Variants in MCCC1 observed in about 807,000 individuals in gnomAD.
MCCC1 encodes the protein methylcrotonoyl-CoA carboxylase subunit alpha, mitochondrial.
In MCCC1, 64 loss-of-function variants were observed where a neutral mutation model predicts 83.8. The ratio of observed to expected loss-of-function variants is 0.76; its 90% CI spans 0.62 to 0.94. The LOEUF is 0.94. Ranked by LOEUF, MCCC1 falls within the 40% of genes least tolerant of loss-of-function variation. The pLI is 0.00. For synonymous variants in MCCC1, 322 were observed against 315.4 expected (o/e 1.02, Z -0.22); for missense variants, 807 against 904.7 (o/e 0.89, Z 1.39).
At chr3:183,114,950 G>T (rs1379272260) in intron 1 of MCCC1, among the ~76,000 whole-genome samples, 1 of 152,064 alleles carries the variant, frequency 6.6e-6, no homozygotes, top group Non-Finnish European at 1.5e-5. Flanking sequence ...CCTCTACCTT[G>T]CCAGTTGTTA....
intron 14 of MCCC1, among the ~76,000 whole-genome samples, chr3:183,029,860 T>C (rs1007722835): frequency 6.6e-6 from 1 of 152,148 alleles, no homozygotes; most frequent in African/African-American, 2.4e-5. Flanking sequence ...CTCTGGGGTC[T>C]TCCTGCTTCT....
At chr3:183,085,820 G>A (rs1023831522) in intron 4 of MCCC1, among the ~76,000 whole-genome samples, 1 of 152,046 alleles carries the variant, frequency 6.6e-6, no homozygotes, top group Non-Finnish European at 1.5e-5. Context: ...TTCACCAGTA[G>A]GGGTCACTGT....
chr3:183,079,201 TCTTAA>T (rs1324242822), intron 4 of MCCC1, among the ~76,000 whole-genome samples: 10 of 152,136 alleles, frequency 6.6e-5, no homozygotes, highest in African/African-American at 2.4e-4. Flanking sequence ...TCCCTCAAAG[TCTTAA>T]CTTATTTTAG....
intron 4 of MCCC1, among the ~76,000 whole-genome samples, chr3:183,076,920 T>A (rs1305852264): frequency 2.6e-5 from 4 of 152,218 alleles, no homozygotes; most frequent in African/African-American, 9.6e-5. Context: ...CCTAGGCAAC[T>A]GTGAATCTAC....
chr3:183,106,095 A>G (rs916292892), intron 1 of MCCC1, among the ~76,000 whole-genome samples: 3 of 151,316 alleles, frequency 2.0e-5, no homozygotes, highest in African/African-American at 7.3e-5. Flanking sequence ...AAAAAAAAAA[A>G]AGACTACCAA....
intron 3 of MCCC1, among the ~76,000 whole-genome samples, chr3:183,091,655 T>C (rs1397389121): frequency 6.6e-6 from 1 of 152,186 alleles, no homozygotes; most frequent in African/African-American, 2.4e-5. Flanking sequence ...GAGTTGGGTC[T>C]TATTAGTTAT....
At chr3:183,017,766 A>T (rs1038622356) in intron 17 of MCCC1, 8 of 206,698 alleles carry the variant, frequency 3.9e-5, no homozygotes, top group African/African-American at 1.9e-4. Context: ...TGGTCAAATC[A>T]GAGGCCTACA....
upstream of MCCC1, chr3:183,099,571 G>C (rs1719014861): frequency 2.7e-6 from 3 of 1,092,960 alleles, no homozygotes; most frequent in East Asian, 2.6e-5. Flanking sequence ...CCTACCTTTG[G>C]GCTGATCCAA....
chr3:183,110,288 C>T (rs1719471664), intron 1 of MCCC1, among the ~76,000 whole-genome samples: 1 of 151,980 alleles, frequency 6.6e-6, no homozygotes, highest in African/African-American at 2.4e-5. Flanking sequence ...GTTGCCATTG[C>T]TTTTGGAGAC....
chr3:183,111,228 A>T (rs555827620), intron 1 of MCCC1, among the ~76,000 whole-genome samples: 1 of 152,190 alleles, frequency 6.6e-6, no homozygotes, highest in South Asian at 2.1e-4. Flanking sequence ...GGGAACCCCA[A>T]TGCAATACGC....
At chr3:183,102,318 A>C (rs1299475553), upstream of MCCC1, among the ~76,000 whole-genome samples, 1 of 152,162 alleles carries the variant, frequency 6.6e-6, no homozygotes, top group African/African-American at 2.4e-5. Flanking sequence ...AGCTCTTATC[A>C]TGCCACTATA....
chr3:183,041,476 T>C, intron 11 of MCCC1, 91 bp downstream of exon 11: 6 of 1,342,102 alleles, frequency 4.5e-6, no homozygotes, highest in East Asian at 2.3e-5. Flanking sequence ...GCTAGACAGT[T>C]CTGTAAGACT....
At position 183,064,251 on chromosome 3, in the gene MCCC1, T is replaced by A. The variant is rs141251703; in HGVS notation, c.761+6748A>T. On this transcript the variant is annotated intron_variant, in intron 7 of 18. Transcript: ENST00000265594. This position sits in a 1 kb window ranked among gnomAD's most constrained non-coding sequence, Gnocchi z 4.5. Reference sequence around the variant, plus strand: ...CTAAAAGGAGAAACTTGAGAGCTGATGGGACTGCTAGAAAAGATCCCCCTT... The same window carrying A: ...CTAAAAGGAGAAACTTGAGAGCTGAAGGGACTGCTAGAAAAGATCCCCCTT... Among the ~76,000 whole-genome samples, 347 of 136,964 alleles carry A rather than the reference T, an allele frequency of 2.5e-3. 1 individual carries two copies. Among genetic ancestry groups the A allele is most frequent in the African/African-American group, 8.6e-3 (324 of 37,582 alleles). 89.9% of individuals were successfully genotyped at this position (136,964 alleles called of 152,430 possible).
chr3:183,080,293 A>G (rs1466391325), intron 4 of MCCC1, among the ~76,000 whole-genome samples: 2 of 152,158 alleles, frequency 1.3e-5, no homozygotes, highest in Non-Finnish European at 2.9e-5. Context: ...ATAGCACCCA[A>G]GTCGTCTCTT....
chr3:183,083,686 T>C (rs1235483379), intron 4 of MCCC1, among the ~76,000 whole-genome samples: 1 of 152,184 alleles, frequency 6.6e-6, no homozygotes, highest in Non-Finnish European at 1.5e-5. Flanking sequence ...TGCTAGAAGG[T>C]TCTTATTTAA....
intron 12 of MCCC1, among the ~76,000 whole-genome samples, chr3:183,037,846 T>C (rs1009205047): frequency 3.3e-5 from 5 of 152,208 alleles, no homozygotes; most frequent in Admixed American, 6.5e-5. Flanking sequence ...GCAAGCTGGA[T>C]TGCTATACTG....
intron 3 of MCCC1, among the ~76,000 whole-genome samples, chr3:183,091,781 G>A (rs568140067): frequency 6.6e-6 from 1 of 152,128 alleles, no homozygotes; most frequent in South Asian, 2.1e-4. Flanking sequence ...GGTGGCTCAC[G>A]CCTGTTTGGC....
chr3:183,104,450 C>T (rs767966065), upstream of MCCC1, among the ~76,000 whole-genome samples: 4 of 136,416 alleles, frequency 2.9e-5, no homozygotes, highest in Non-Finnish European at 6.7e-5. Context: ...ACACAATACT[C>T]AGAAGCTATA....
intron 2 of MCCC1, among the ~76,000 whole-genome samples, chr3:183,093,037 G>A (rs1052385636): frequency 2.0e-5 from 3 of 152,048 alleles, no homozygotes; most frequent in Non-Finnish European, 4.4e-5. Context: ...GAAATTACAG[G>A]TGCCTGCCAC....
Sources: gnomAD v4.1 joint callset for allele counts (sites outside exome capture counted in the v4.1 genomes callset) on GRCh38, gnomAD v4.1.1 for gene constraint, Gnocchi (gnomAD v3.1) non-coding constraint, MANE v1.5 for transcripts, NCBI Gene and HGNC (gene_info 2026-07-23, HGNC 2026-07-21) for gene names.